LRRTM4: variants seen among roughly 807,000 people sequenced by gnomAD.
The protein encoded by LRRTM4 is leucine-rich repeat transmembrane neuronal protein 4.
In LRRTM4, 25 loss-of-function variants were observed where a neutral mutation model predicts 47.6. The observed-to-expected ratio is 0.53, with a 90% confidence interval of 0.38 to 0.73. LRRTM4 has a LOEUF of 0.73. Ranked by LOEUF, LRRTM4 falls within the 30% of genes least tolerant of loss-of-function variation. The pLI is 0.00. For missense variants in LRRTM4, 638 were observed against 713.4 expected (o/e 0.89, Z 1.20); for synonymous variants, 311 against 269.5 (o/e 1.15, Z -1.51).
chr2:77,020,023 T>C (rs1027862056), intron 3 of LRRTM4, among the ~76,000 whole-genome samples: 1 of 152,086 alleles, frequency 6.6e-6, no homozygotes, highest in Non-Finnish European at 1.5e-5. Context: ...ATCTCCTAGG[T>C]TACTTGGAAA....
At chr2:76,817,043 T>A (rs1449674715) in intron 3 of LRRTM4, among the ~76,000 whole-genome samples, 1 of 151,778 alleles carries the variant, frequency 6.6e-6, no homozygotes, top group Non-Finnish European at 1.5e-5. Flanking sequence ...AAAATTTTGA[T>A]ATTAACAACA....
chr2:77,118,539 A>G (rs1671448512), intron 3 of LRRTM4, among the ~76,000 whole-genome samples: 1 of 151,942 alleles, frequency 6.6e-6, no homozygotes, highest in African/African-American at 2.4e-5. Flanking sequence ...GTGCTGAGGT[A>G]TCATTATACA....
intron 3 of LRRTM4, among the ~76,000 whole-genome samples, chr2:77,485,505 T>C (rs748968023): frequency 9.2e-5 from 14 of 152,202 alleles, no homozygotes; most frequent in Non-Finnish European, 1.6e-4. Context: ...AAATGTATAA[T>C]GGGGTTACCA....
chr2:76,767,768 T>C (rs574551332), intron 3 of LRRTM4, among the ~76,000 whole-genome samples: 2 of 152,192 alleles, frequency 1.3e-5, no homozygotes, highest in Non-Finnish European at 2.9e-5. Flanking sequence ...TCTTCTTTTA[T>C]TTTTACATGC....
intron 3 of LRRTM4, among the ~76,000 whole-genome samples, chr2:76,770,319 T>G (rs1034120070): frequency 1.3e-5 from 2 of 152,196 alleles, no homozygotes; most frequent in East Asian, 3.9e-4. Flanking sequence ...CATTTCTTAA[T>G]AACAGTAACT....
intron 3 of LRRTM4, among the ~76,000 whole-genome samples, chr2:76,773,422 T>C (rs951228249): frequency 6.6e-6 from 1 of 152,226 alleles, no homozygotes; most frequent in Non-Finnish European, 1.5e-5. Flanking sequence ...TTCAGTACAA[T>C]TCTTCTTTGA....
chr2:77,233,066 A>G (rs1374016189), intron 3 of LRRTM4, among the ~76,000 whole-genome samples: 2 of 152,230 alleles, frequency 1.3e-5, no homozygotes, highest in African/African-American at 4.8e-5. Flanking sequence ...TTTGAGTTCC[A>G]TGAAGTCAGA....
intron 3 of LRRTM4, among the ~76,000 whole-genome samples, chr2:77,234,854 C>A (rs1283619830): frequency 6.6e-6 from 1 of 152,080 alleles, no homozygotes; most frequent in African/African-American, 2.4e-5. Context: ...TCTCATCACT[C>A]AGATAATGAA....
chr2:77,457,662 A>G (rs999473630), intron 3 of LRRTM4, among the ~76,000 whole-genome samples: 1 of 152,060 alleles, frequency 6.6e-6, no homozygotes, highest in African/African-American at 2.4e-5. Flanking sequence ...TGTTCACTTT[A>G]TAATTCCCTG....
At chr2:77,031,764 C>T (rs146156023) in intron 3 of LRRTM4, among the ~76,000 whole-genome samples, 139 of 152,032 alleles carry the variant, frequency 9.1e-4, no homozygotes, top group Non-Finnish European at 1.1e-3. Context: ...AGAGAGAGAG[C>T]GCGCACAATA....
chr2:77,076,352 TATC>T (rs1680335318), intron 3 of LRRTM4, among the ~76,000 whole-genome samples: 2 of 152,206 alleles, frequency 1.3e-5, no homozygotes, highest in Non-Finnish European at 2.9e-5. Flanking sequence ...TTAAGGAATG[TATC>T]ATCAAATGAG....
chr2:76,854,707 C>A (rs1672096055), intron 3 of LRRTM4, among the ~76,000 whole-genome samples: 1 of 152,008 alleles, frequency 6.6e-6, no homozygotes, highest in African/African-American at 2.4e-5. Flanking sequence ...TTAGATGTCG[C>A]TACTTACTTA....
At chr2:77,345,713 A>G (rs1671535560) in intron 3 of LRRTM4, among the ~76,000 whole-genome samples, 1 of 151,982 alleles carries the variant, frequency 6.6e-6, no homozygotes, top group South Asian at 2.1e-4. Context: ...ATGCAAAATG[A>G]TAAGAGTTAC....
At chr2:76,957,492 C>A (rs1448835671) in intron 3 of LRRTM4, among the ~76,000 whole-genome samples, 1 of 151,688 alleles carries the variant, frequency 6.6e-6, no homozygotes, top group Non-Finnish European at 1.5e-5. Context: ...TAAAATCTTT[C>A]TAAAGTAACA....
intron 3 of LRRTM4, among the ~76,000 whole-genome samples, chr2:77,159,589 T>C (rs1290026041): frequency 6.6e-6 from 1 of 151,476 alleles, no homozygotes; most frequent in Non-Finnish European, 1.5e-5. Flanking sequence ...ATTCATTAAA[T>C]GAAAGGGGAT....
chr2:76,842,701 C>A (rs906853971), intron 3 of LRRTM4, among the ~76,000 whole-genome samples: 4 of 151,710 alleles, frequency 2.6e-5, no homozygotes, highest in African/African-American at 9.7e-5. Flanking sequence ...CTCCAATTTT[C>A]TTTTTTTAAC....
At chr2:77,510,297 C>T (rs1021221893) in intron 3 of LRRTM4, among the ~76,000 whole-genome samples, 1 of 152,062 alleles carries the variant, frequency 6.6e-6, no homozygotes, top group Non-Finnish European at 1.5e-5. Flanking sequence ...TTTAGATCTT[C>T]AAGAGCAAGT....
At chr2:77,124,038 G>A (rs978817140) in intron 3 of LRRTM4, among the ~76,000 whole-genome samples, 1 of 152,144 alleles carries the variant, frequency 6.6e-6, no homozygotes, top group Non-Finnish European at 1.5e-5. Context: ...GATCAGTAAT[G>A]TGTGTTTGTG....
At chr2:77,165,747 C>T (rs1672862460) in intron 3 of LRRTM4, among the ~76,000 whole-genome samples, 1 of 152,134 alleles carries the variant, frequency 6.6e-6, no homozygotes, top group Non-Finnish European at 1.5e-5. Context: ...AGGCCTTCAA[C>T]AAAATTCAAC....
Sources: allele counts gnomAD v4.1 joint callset (sites outside exome capture counted in the v4.1 genomes callset), GRCh38; gene constraint gnomAD v4.1.1; transcripts MANE v1.5; gene names NCBI Gene and HGNC (gene_info 2026-07-23, HGNC 2026-07-21).